Variants in IRAK1BP1 observed in about 807,000 individuals in gnomAD.
IRAK1BP1 encodes interleukin-1 receptor-associated kinase 1-binding protein 1.
Under a neutral mutation model 28.0 loss-of-function variants are expected in IRAK1BP1, and 24 were observed. The observed-to-expected ratio is 0.86, with a 90% CI of 0.62 to 1.20. The LOEUF is 1.20. IRAK1BP1 is among the 50% of genes most tolerant of loss of function. The probability of loss-of-function intolerance (pLI) is 0.00; values close to 1 mark genes in which losing one functional copy is unlikely to be tolerated. For missense variants in IRAK1BP1, 336 were observed against 316.7 expected, an observed-to-expected ratio of 1.06 and a Z score of -0.46; for synonymous variants, 131 against 116.3, an observed-to-expected ratio of 1.13 and a Z score of -0.81.
rs150965116 is a variant in IRAK1BP1, at chr6:78,880,204, A to C, written c.316-5174A>C. 1.7e-3 allele frequency among the ~76,000 whole-genome samples: 258 copies of C among 152,306 alleles called. 7 individuals are homozygous for C. The East Asian group carries it at 0.043, about 25-fold the overall frequency. On this transcript the variant is annotated intron_variant, in intron 1 of 3. Transcript: ENST00000369940. ...CAGAGGTTGAGTATCCCTTATCTGAAATGTTGGGACCAGAAATGTTTCAGA... is the reference window on the plus strand; with the variant it reads ...CAGAGGTTGAGTATCCCTTATCTGACATGTTGGGACCAGAAATGTTTCAGA...
At chr6:78,959,361 CTG>C in the IRAK1BP1 span, among the ~76,000 whole-genome samples, 2 of 152,016 alleles carry the variant, frequency 1.3e-5, no homozygotes, top group Admixed American at 6.6e-5. Flanking sequence ...TAAAGAAAAA[CTG>C]TGCATTTCAA....
At position 78,867,593 on chromosome 6, in the gene IRAK1BP1, C is replaced by G; in HGVS notation, c.17C>G (p.Thr6Ser). 10 of 1,613,830 alleles carry G rather than the reference C, an allele frequency of 6.2e-6. No individual in the cohort carries two copies. The highest frequency in any genetic ancestry group is 2.2e-5 in the East Asian group (1 of 44,870). The change falls in exon 1 of 4, where the codon ACC becomes AGC. Residue 6 changes from threonine (T) to serine (S), a missense_variant. Thr to Ser is a moderately conservative substitution (Grantham distance 58). Transcript: ENST00000369940. MSLQK[T>S]PPTRVFVELV... ...GCCATCGCTATGTCTCTGCAAAAGACCCCTCCGACCCGAGTGTTCGTGGAA... is the reference window on the plus strand; with the variant it reads ...GCCATCGCTATGTCTCTGCAAAAGAGCCCTCCGACCCGAGTGTTCGTGGAA...
the IRAK1BP1 span, among the ~76,000 whole-genome samples, chr6:78,972,262 G>A: frequency 2.3e-3 from 314 of 134,712 alleles, no homozygotes; most frequent in African/African-American, 4.7e-3. Flanking sequence ...CCTCCAGCAG[G>A]GGCACACTGA....
chr6:78,943,891 C>T (rs1483154123), intron 4 of IRAK1BP1, among the ~76,000 whole-genome samples: 1 of 145,298 alleles, frequency 6.9e-6, no homozygotes, highest in Non-Finnish European at 1.5e-5. Flanking sequence ...GAGGCTGAGG[C>T]AGAAGAATTG....
At chr6:78,968,931 G>A in the IRAK1BP1 span, among the ~76,000 whole-genome samples, 2 of 152,136 alleles carry the variant, frequency 1.3e-5, no homozygotes, top group Admixed American at 6.5e-5. Context: ...GGACCTGCTA[G>A]GTAGCTGCTA....
At chr6:78,906,429 T>G (rs999626294), downstream of IRAK1BP1, among the ~76,000 whole-genome samples, 6 of 152,218 alleles carry the variant, frequency 3.9e-5, no homozygotes, top group Non-Finnish European at 8.8e-5. Flanking sequence ...ACCTCATTTT[T>G]CTACAAAATT....
chr6:78,971,442 T>C, the IRAK1BP1 span, among the ~76,000 whole-genome samples: 23 of 152,196 alleles, frequency 1.5e-4, no homozygotes, highest in Admixed American at 1.5e-3. Flanking sequence ...TGTTTTAAAA[T>C]GCTAAGTTTT....
At chr6:78,928,750 C>T (rs1475203386) in intron 4 of IRAK1BP1, among the ~76,000 whole-genome samples, 2 of 152,070 alleles carry the variant, frequency 1.3e-5, no homozygotes, top group African/African-American at 2.4e-5. Context: ...TCATCAAATG[C>T]TTTTTCGGCA....
At position 78,940,891 on chromosome 6, in the gene IRAK1BP1, A is replaced by C. The variant is rs1367276733; in HGVS notation, c.*68-4517A>C. ...GGGGTTCAGAGCCTTTGAGTTCTTC[A>C]AACTCTTCTTCCTCATCTATAGGAT... On this transcript the variant is annotated intron_variant and NMD_transcript_variant, in intron 4 of 4. Transcript: ENST00000606868. The C allele has an allele frequency of 6.2e-7, 1 of 1,613,782 alleles. No individual in the cohort carries two copies. Among genetic ancestry groups the C allele is most frequent in the African/African-American group, 1.3e-5 (1 of 74,996 alleles).
chr6:78,909,926 C>G (rs1772359600), intron 4 of IRAK1BP1, among the ~76,000 whole-genome samples: 1 of 152,058 alleles, frequency 6.6e-6, no homozygotes, highest in African/African-American at 2.4e-5. Flanking sequence ...TTAATGGCAT[C>G]TTTTCATTAC....
intron 4 of IRAK1BP1, chr6:78,935,469 C>T (rs1025821152): frequency 6.2e-5 from 60 of 974,242 alleles, no homozygotes; most frequent in African/African-American, 2.1e-4. Context: ...AGAAATTGCA[C>T]ATTTTTGAGA....
chr6:78,943,752 C>T (rs76504568), intron 4 of IRAK1BP1, among the ~76,000 whole-genome samples: 1,530 of 151,806 alleles, frequency 0.01, 16 homozygotes, highest in African/African-American at 0.03. Context: ...TTTGGGAGGC[C>T]GAGTGGGGTG....
intron 1 of IRAK1BP1, among the ~76,000 whole-genome samples, chr6:78,879,060 G>A (rs1268511296): frequency 6.6e-6 from 1 of 152,098 alleles, no homozygotes; most frequent in East Asian, 1.9e-4. Flanking sequence ...GAACCAAGTT[G>A]GAAAACACTC....
chr6:78,869,468 C>T (rs1332865585), intron 1 of IRAK1BP1, among the ~76,000 whole-genome samples: 3 of 152,132 alleles, frequency 2.0e-5, no homozygotes, highest in Non-Finnish European at 2.9e-5. Flanking sequence ...TTCAGTGAGC[C>T]GAGATGGTGC....
chr6:78,933,636 A>G (rs1447584539), intron 4 of IRAK1BP1, among the ~76,000 whole-genome samples: 1 of 150,280 alleles, frequency 6.7e-6, no homozygotes, highest in Non-Finnish European at 1.5e-5. Context: ...AAAAACCAAA[A>G]CCATCATGAA....
downstream of IRAK1BP1, among the ~76,000 whole-genome samples, chr6:78,951,351 T>C (rs1252188461): frequency 6.6e-6 from 1 of 152,202 alleles, no homozygotes; most frequent in Non-Finnish European, 1.5e-5. Flanking sequence ...CGTTGTAGAA[T>C]ATTAAGCCCA....
chr6:78,974,551 AC>A, the IRAK1BP1 span, among the ~76,000 whole-genome samples: 1 of 152,226 alleles, frequency 6.6e-6, no homozygotes, highest in African/African-American at 2.4e-5. Context: ...GGAAATAGAG[AC>A]ACAAAAAACC....
intron 2 of IRAK1BP1, among the ~76,000 whole-genome samples, chr6:78,891,463 A>ATTT (rs201905833): frequency 1.4e-5 from 2 of 145,582 alleles, no homozygotes; most frequent in African/African-American, 2.5e-5. Flanking sequence ...GTTTAGAGGA[A>ATTT]TTTTTTTTTT....
At chr6:78,946,350 C>G (rs1225098536) in exon 5 of IRAK1BP1, 60 of 1,430,970 alleles carry the variant, frequency 4.2e-5, no homozygotes, top group Non-Finnish European at 5.3e-5. Flanking sequence ...AATATTTGTA[C>G]TATTATGAAA....
Sources: gnomAD v4.1 joint callset for allele counts (sites outside exome capture counted in the v4.1 genomes callset) on GRCh38, gnomAD v4.1.1 for gene constraint, MANE v1.5 for transcripts, NCBI Gene and HGNC (gene_info 2026-07-23, HGNC 2026-07-21) for gene names.